MYO6: variants seen among roughly 807,000 people sequenced by gnomAD.
The protein encoded by MYO6 is unconventional myosin-VI.
A neutral mutation model predicts 178.7 loss-of-function variants in MYO6; 74 were observed. The observed-to-expected ratio is 0.41, with a 90% CI of 0.34 to 0.50. The LOEUF (loss-of-function observed/expected upper bound fraction) is 0.50, where lower values mean the gene tolerates loss of function less well. Among genes scored for constraint, MYO6 ranks in the 20% least tolerant of loss-of-function variants. The pLI, the probability that MYO6 is intolerant of heterozygous loss-of-function variation, is 0.09. For synonymous variants in MYO6, 477 were observed against 504.6 expected (o/e 0.95, Z 0.73); for missense variants, 1,330 against 1,547.4 (o/e 0.86, Z 2.36).
chr6:75,895,548 G>A (rs1581935611), intron 29 of MYO6, among the ~76,000 whole-genome samples: 1 of 144,818 alleles, frequency 6.9e-6, no homozygotes, highest in Non-Finnish European at 1.5e-5. Flanking sequence ...ACAGAGTTTC[G>A]CTTTTGTTGC....
chr6:75,829,087 T>G (rs180775064), intron 4 of MYO6, among the ~76,000 whole-genome samples: 1 of 152,246 alleles, frequency 6.6e-6, no homozygotes, highest in East Asian at 1.9e-4. Flanking sequence ...AGGTAGTATC[T>G]GAGGAAATAC....
intron 11 of MYO6, among the ~76,000 whole-genome samples, chr6:75,851,623 T>C (rs528583928): frequency 1.3e-4 from 20 of 149,462 alleles, no homozygotes; most frequent in Non-Finnish European, 2.2e-4. Context: ...GGCGACATAG[T>C]GAGACCCCAT....
chr6:75,871,964 T>TA lies in MYO6; in HGVS notation c.1984-1236dup, dbSNP rs955215170. On this transcript the variant is annotated intron_variant, in intron 19 of 34. Coordinates refer to ENST00000369977, the MANE Select transcript of MYO6 (RefSeq NM_004999.4). ...CAATATGGTGAAACCTCGTCTCTGCTAAAAAAATACAAAAATTAGCTGGGC... is the reference window on the plus strand; with the variant it reads ...CAATATGGTGAAACCTCGTCTCTGCTAAAAAAAATACAAAAATTAGCTGGGC... Among the ~76,000 whole-genome samples the TA allele has an allele frequency of 1.1e-4, 16 of 151,710 alleles. No individual in the cohort carries two copies. The South Asian group carries it at 2.3e-3, about 22-fold the overall frequency.
intron 31 of MYO6, 64 bp from the exon 32 acceptor site, chr6:75,908,432 A>C: frequency 5.4e-6 from 8 of 1,488,152 alleles, no homozygotes; most frequent in Non-Finnish European, 7.4e-6. Context: ...GAATAATTAT[A>C]TCATTATGTT....
At chr6:75,787,138 A>C (rs1767649248) in intron 1 of MYO6, among the ~76,000 whole-genome samples, 1 of 152,140 alleles carries the variant, frequency 6.6e-6, no homozygotes, top group Non-Finnish European at 1.5e-5. Context: ...CTACACACCC[A>C]CTAGAAAGGC....
In MYO6 at chr6:75,907,706, G is replaced by A. The variant is rs1216346227; in HGVS notation, c.3278G>A (p.Cys1093Tyr). The A allele has an allele frequency of 6.2e-7, 1 of 1,603,722 alleles. No homozygotes were observed. The highest frequency in any genetic ancestry group is 1.7e-5 in the Admixed American group (1 of 59,980). The change falls in exon 31 of 35, where the codon TGT becomes TAT. Residue 1093 changes from cysteine (C) to tyrosine (Y), a missense_variant and splice_region_variant. Cys to Tyr is a radical substitution (Grantham distance 194, BLOSUM62 -2). Around this residue, in one of 3 missense-constraint regions of MYO6, gnomAD observed 601 missense variants for 626.1 expected, o/e 0.96. Coordinates refer to ENST00000369977, the MANE Select transcript of MYO6 (RefSeq NM_004999.4). ...AELRDTINTS[C>Y]DIELLAACRE... ...CTACGTGATACCATCAATACTTCTTGTGGTAAGTGTTTGGAGAAGATCAAA... is the reference window on the plus strand; with the variant it reads ...CTACGTGATACCATCAATACTTCTTATGGTAAGTGTTTGGAGAAGATCAAA...
chr6:75,881,820 T>C lies in MYO6; in HGVS notation c.2416+2T>C. 6.2e-7 allele frequency: 1 copy of C among 1,613,516 alleles called. No individual in the cohort carries two copies. Among genetic ancestry groups the C allele is most frequent in the Non-Finnish European group, 8.5e-7 (1 of 1,179,538 alleles). ...GGTGCTCACTCTCAGTCATCAAATG[T>C]AGGTGTTTTCCTTTACACCTATAGG... On this transcript the variant is annotated splice_donor_variant, in intron 23 of 34. Transcript: ENST00000369977. LOFTEE classifies it high-confidence loss of function.
At chr6:75,825,510 T>C (rs889043222) in intron 3 of MYO6, among the ~76,000 whole-genome samples, 3 of 152,140 alleles carry the variant, frequency 2.0e-5, no homozygotes, top group Admixed American at 6.6e-5. Context: ...GGAGACTCCC[T>C]TGAACCCAGG....
At position 75,777,951 on chromosome 6, in the gene MYO6, G is replaced by T. The variant is rs929716024; in HGVS notation, c.-48+28528G>T. On this transcript the variant is annotated intron_variant, in intron 1 of 34. Transcript: ENST00000369977. Reference sequence around the variant, plus strand: ...ATATTATATTCTGATTTAGAGAAATGGATATTTTGATTGTTAATTACTTAT... The same window carrying T: ...ATATTATATTCTGATTTAGAGAAATTGATATTTTGATTGTTAATTACTTAT... Among the ~76,000 whole-genome samples the T allele has an allele frequency of 3.9e-5, 6 of 152,118 alleles. No individual in the cohort carries two copies. In the East Asian group the frequency reaches 1.2e-3, roughly 29 times the overall value.
chr6:75,826,023 G>T (rs1309160078), intron 3 of MYO6, among the ~76,000 whole-genome samples: 1 of 152,148 alleles, frequency 6.6e-6, no homozygotes, highest in African/African-American at 2.4e-5. Context: ...ATAAAGAGTT[G>T]CATGTAAATA....
intron 1 of MYO6, among the ~76,000 whole-genome samples, chr6:75,796,323 C>A (rs952005977): frequency 2.0e-5 from 3 of 152,200 alleles, no homozygotes; most frequent in African/African-American, 7.2e-5. Context: ...TTCCACCATA[C>A]TTTTTTCCCC....
intron 20 of MYO6, among the ~76,000 whole-genome samples, chr6:75,874,510 T>A (rs1471940042): frequency 2.0e-5 from 3 of 152,222 alleles, no homozygotes; most frequent in African/African-American, 7.2e-5. Context: ...AAAGCTTCTC[T>A]TGTCTGCTAT....
At chr6:75,910,678 G>T (rs1780692304) in intron 32 of MYO6, among the ~76,000 whole-genome samples, 1 of 152,062 alleles carries the variant, frequency 6.6e-6, no homozygotes, top group Non-Finnish European at 1.5e-5. Context: ...TGTAACTTCT[G>T]CTCTGAAAAG....
At chr6:75,906,478 C>A (rs1458926466) in intron 30 of MYO6, among the ~76,000 whole-genome samples, 1 of 152,014 alleles carries the variant, frequency 6.6e-6, no homozygotes, top group East Asian at 1.9e-4. Flanking sequence ...GAGTTCGAGA[C>A]CAGCCTGGGC....
intron 12 of MYO6, among the ~76,000 whole-genome samples, chr6:75,856,484 CTT>C (rs369616135): frequency 9.4e-5 from 13 of 138,632 alleles, no homozygotes; most frequent in African/African-American, 7.9e-5. Flanking sequence ...ATTTGACTTT[CTT>C]TTTTTTTTTT....
intron 6 of MYO6, among the ~76,000 whole-genome samples, chr6:75,833,781 TA>T (rs1386375914): frequency 2.0e-5 from 3 of 152,262 alleles, no homozygotes; most frequent in African/African-American, 7.2e-5. Flanking sequence ...ACCTCTTGGC[TA>T]TTGTCAATAG....
Position 75,916,901 on chromosome 6 carries a change from A to G in MYO6, c.*1889A>G, listed in dbSNP as rs189155544. 2.3e-4 allele frequency: 35 copies of G among 152,332 alleles called. 1 individual carries two copies. The East Asian group carries it at 6.4e-3, about 28-fold the overall frequency. 9.4% of individuals were successfully genotyped at this position (152,332 alleles called of 1,614,324 possible). A position where few individuals can be genotyped will look rare whatever the true frequency, so the allele number is the denominator to read the frequency against. ...TTATAAGTCCTTAGTTTTTGACTCT[A>G]ATAGTTAATACAATTATAGTTAATC... On this transcript the variant is annotated 3_prime_UTR_variant, in exon 35 of 35. Coordinates refer to ENST00000369977, the MANE Select transcript of MYO6 (RefSeq NM_004999.4).
Position 75,854,081 on chromosome 6 carries a change from C to T in MYO6, c.1079-1058C>T, listed in dbSNP as rs72654783. Among the ~76,000 whole-genome samples the T allele has an allele frequency of 0.013, 1,997 of 152,154 alleles. 75 individuals are homozygous for T. The East Asian group carries it at 0.15, about 11-fold the overall frequency. On this transcript the variant is annotated intron_variant, in intron 11 of 34. Coordinates refer to ENST00000369977, the MANE Select transcript of MYO6 (RefSeq NM_004999.4). The stretch of plus-strand genomic sequence containing the variant: ...CTTTATAGTACTTTTTAAAGCAGCC[C>T]TTATAAATAGAAATCTGTAGATATG...
At chr6:75,890,386 G>C (rs952097550) in intron 26 of MYO6, 121 bp downstream of exon 26, 4 of 1,403,306 alleles carry the variant, frequency 2.9e-6, no homozygotes, top group Non-Finnish European at 2.9e-6. Context: ...TTGCTCTGTT[G>C]CCCAGGCTGG....
Sources: gnomAD v4.1 joint callset for allele counts (sites outside exome capture counted in the v4.1 genomes callset) on GRCh38, gnomAD v4.1.1 for gene constraint, gnomAD v4.1.1 regional missense constraint, MANE v1.5 for transcripts, NCBI Gene and HGNC (gene_info 2026-07-23, HGNC 2026-07-21) for gene names.